FMN1: variants seen among roughly 807,000 people sequenced by gnomAD.
The protein encoded by FMN1 is formin-1.
FMN1 carries 110 observed loss-of-function variants against 132.4 expected under a neutral mutation model. The observed-to-expected ratio is 0.83, with a 90% CI of 0.71 to 0.97. The LOEUF (loss-of-function observed/expected upper bound fraction) is 0.97. Among genes scored for constraint, FMN1 ranks in the 50% least tolerant of loss-of-function variants. The probability of loss-of-function intolerance (pLI) is 0.00; values close to 1 mark genes in which losing one functional copy is unlikely to be tolerated. For synonymous variants in FMN1, 722 were observed against 651.7 expected, an observed-to-expected ratio of 1.11 and a Z score of -1.64; for missense variants, 1,792 against 1,705.3, an observed-to-expected ratio of 1.05 and a Z score of -0.90.
At chr15:32,986,073 C>T (rs1301245969) in intron 7 of FMN1, among the ~76,000 whole-genome samples, 2 of 152,024 alleles carry the variant, frequency 1.3e-5, no homozygotes, top group African/African-American at 4.8e-5. Flanking sequence ...ACAGCACCCA[C>T]GATAATAGGG....
chr15:32,783,829 A>T (rs977565562), intron 19 of FMN1, among the ~76,000 whole-genome samples: 58 of 143,068 alleles, frequency 4.1e-4, no homozygotes, highest in African/African-American at 1.4e-3. Context: ...TAGGCTCCCC[A>T]CTGTTATAGC....
intron 16 of FMN1, among the ~76,000 whole-genome samples, chr15:32,886,349 T>C (rs1028603436): frequency 1.9e-4 from 29 of 152,172 alleles, no homozygotes; most frequent in African/African-American, 6.8e-4. Context: ...TGAGACAATG[T>C]TCAGTTTTCT....
chr15:33,012,249 T>A (rs2034770794), intron 6 of FMN1: 3 of 704,430 alleles, frequency 4.3e-6, no homozygotes, highest in Non-Finnish European at 7.8e-6. Flanking sequence ...TCAAGAACTG[T>A]GTGGTAATGA....
chr15:33,108,562 G>A lies in FMN1; in HGVS notation c.1868-19588C>T, dbSNP rs149887545. Among the ~76,000 whole-genome samples, 315 of 151,976 alleles carry A rather than the reference G, an allele frequency of 2.1e-3. 1 individual carries two copies. The highest frequency in any genetic ancestry group is 7.3e-3 in the African/African-American group (304 of 41,486). On this transcript the variant is annotated intron_variant, in intron 4 of 20. Transcript: ENST00000616417. The stretch of plus-strand genomic sequence containing the variant: ...GGCCTGGAGAAACTGAACTTAAAGA[G>A]AAAAAAAGAAGAAAGTTAAAGGATT...
chr15:32,912,218 C>T (rs9806436), intron 10 of FMN1, among the ~76,000 whole-genome samples: 40,740 of 151,960 alleles, frequency 0.27, 5,684 homozygotes, highest in Non-Finnish European at 0.31. Context: ...TAAGTAAATA[C>T]TCAGTTTTTA....
At position 32,767,288 on chromosome 15, in the gene FMN1, G is replaced by T. The variant is rs2056080795; in HGVS notation, c.*7022C>A. The T allele has an allele frequency of 6.6e-6, 1 of 152,152 alleles. No homozygotes were observed. Among genetic ancestry groups the T allele is most frequent in the Non-Finnish European group, 1.5e-5 (1 of 68,030 alleles). The allele number at this position is 152,152 out of a possible 1,614,324, so 9.4% of individuals were successfully genotyped here. On this transcript the variant is annotated 3_prime_UTR_variant, in exon 21 of 21. Coordinates refer to ENST00000616417, the MANE Select transcript of FMN1 (RefSeq NM_001277313.2). ...TTATATGAAGACATAAAACTGCATGGATCAGGTGCACTTTAGAAAGCAGCA... is the reference window on the plus strand; with the variant it reads ...TTATATGAAGACATAAAACTGCATGTATCAGGTGCACTTTAGAAAGCAGCA...
At chr15:33,037,287 C>G (rs1231573805) in intron 6 of FMN1, among the ~76,000 whole-genome samples, 1 of 152,060 alleles carries the variant, frequency 6.6e-6, no homozygotes, top group Non-Finnish European at 1.5e-5. Context: ...GAGATGCTTA[C>G]AGTTCCCAGT....
At chr15:33,178,082 A>C (rs1965576391) in intron 3 of FMN1, among the ~76,000 whole-genome samples, 1 of 152,180 alleles carries the variant, frequency 6.6e-6, no homozygotes, top group African/African-American at 2.4e-5. Flanking sequence ...GAATATGAAA[A>C]CTAGAAAAAA....
At position 33,153,372 on chromosome 15, in the gene FMN1, T is replaced by C. The variant is rs549090248; in HGVS notation, c.1543A>G (p.Lys515Glu). Residue 515 changes from lysine (K) to glutamate (E), a missense_variant, in exon 4 of 21, where the codon AAA (lysine) becomes GAA (glutamate). Physicochemically the swap from Lys to Glu is moderately conservative, Grantham distance 56 (BLOSUM62 1). Coordinates refer to ENST00000616417, the MANE Select transcript of FMN1 (RefSeq NM_001277313.2). ...GGCGAGGGAACAGGTGACGTCTGTT[T>C]GTGTGTGCTGGACTGCGAGGCTGAA... is the stretch of plus-strand genomic sequence containing the variant. ...NNSASQSSTH[K>E]QTSPVPSPLS... 5 of 1,536,466 alleles carry C rather than the reference T, an allele frequency of 3.3e-6. No individual in the cohort carries two copies. The highest frequency in any genetic ancestry group is 4.4e-6 in the Non-Finnish European group (5 of 1,146,958).
intron 7 of FMN1, among the ~76,000 whole-genome samples, chr15:32,996,160 A>G (rs1459324497): frequency 6.6e-6 from 1 of 152,226 alleles, no homozygotes; most frequent in African/African-American, 2.4e-5. Context: ...CAACAGTTGT[A>G]ATCAGTCAAA....
At chr15:32,943,666 T>C (rs1386642244) in intron 9 of FMN1, among the ~76,000 whole-genome samples, 1 of 152,216 alleles carries the variant, frequency 6.6e-6, no homozygotes, top group African/African-American at 2.4e-5. Flanking sequence ...GCTCTGATGA[T>C]TGCACTGATA....
intron 19 of FMN1, among the ~76,000 whole-genome samples, chr15:32,777,694 C>T (rs1358651165): frequency 1.6e-5 from 2 of 124,424 alleles, no homozygotes; most frequent in Non-Finnish European, 3.4e-5. Context: ...TTACGTATAA[C>T]ATATAACACA....
rs568135828 is a variant in FMN1, at chr15:32,801,112, C to T, written c.3981-2159G>A. The stretch of plus-strand genomic sequence containing the variant: ...CCTGGAGTCTAGATTGTGAGATCAA[C>T]ATATTGCAAATCCTGGTGCAGTTTC... On this transcript the variant is annotated intron_variant, in intron 18 of 20. Transcript: ENST00000616417. 4.6e-5 allele frequency among the ~76,000 whole-genome samples: 7 copies of T among 152,248 alleles called. No individual in the cohort carries two copies. The East Asian group carries it at 1.4e-3, about 29-fold the overall frequency.
At chr15:32,983,432 G>C (rs1453278395) in intron 7 of FMN1, among the ~76,000 whole-genome samples, 2 of 152,214 alleles carry the variant, frequency 1.3e-5, no homozygotes, top group African/African-American at 4.8e-5. Context: ...CCTGATTGTA[G>C]TATGTTTACA....
intron 13 of FMN1, among the ~76,000 whole-genome samples, chr15:32,901,371 T>TA (rs1199268961): frequency 6.6e-6 from 1 of 152,238 alleles, no homozygotes; most frequent in African/African-American, 2.4e-5. Flanking sequence ...AACGTGTCCT[T>TA]AAGAGCATGG....
intron 7 of FMN1, among the ~76,000 whole-genome samples, chr15:32,971,813 T>TA (rs1283365153): frequency 6.6e-6 from 1 of 152,206 alleles, no homozygotes; most frequent in African/African-American, 2.4e-5. Flanking sequence ...CTGCCTCCCC[T>TA]ATCAGATTAT....
Position 33,018,161 on chromosome 15 carries a change from A to G in FMN1, c.2162-10086T>C, listed in dbSNP as rs916446982. 1.3e-4 allele frequency among the ~76,000 whole-genome samples: 20 copies of G among 152,132 alleles called. 1 individual carries two copies. The highest frequency in any genetic ancestry group is 1.0e-3 in the Admixed American group (16 of 15,270). On this transcript the variant is annotated intron_variant, in intron 6 of 20. Transcript: ENST00000616417. ...CCTTTGGGAGGTGATCAGGTCATGAAGGCAGAGCCCTTGTGCATGAGATTA... is the reference window on the plus strand; with the variant it reads ...CCTTTGGGAGGTGATCAGGTCATGAGGGCAGAGCCCTTGTGCATGAGATTA...
At chr15:33,063,118 T>C (rs558086895) in intron 6 of FMN1, 4 of 152,394 alleles carry the variant, frequency 2.6e-5, no homozygotes. Flanking sequence ...GTACCATAAC[T>C]GTGCAGGGGA....
intron 9 of FMN1, among the ~76,000 whole-genome samples, chr15:32,931,491 A>G (rs542545770): frequency 2.6e-5 from 4 of 152,144 alleles, no homozygotes; most frequent in African/African-American, 7.2e-5. Context: ...TTTCCCTTCC[A>G]GGTAGTTAAT....
Sources: gnomAD v4.1 joint callset for allele counts (sites outside exome capture counted in the v4.1 genomes callset) on GRCh38, gnomAD v4.1.1 for gene constraint, MANE v1.5 for transcripts, NCBI Gene and HGNC (gene_info 2026-07-23, HGNC 2026-07-21) for gene names.